The following NOVA1 variants were observed in gnomAD, a reference collection of about 807,000 sequenced individuals.
NOVA1 encodes the protein RNA-binding protein Nova-1.
NOVA1 carries 7 observed loss-of-function variants against 38.0 expected under a neutral mutation model. The ratio of observed to expected loss-of-function variants is 0.18; its 90% CI spans 0.10 to 0.35. NOVA1 has a LOEUF of 0.35. Ranked by LOEUF, NOVA1 falls within the 10% of genes least tolerant of loss-of-function variation. The pLI is 1.00. For synonymous variants in NOVA1, 270 were observed against 232.5 expected, an observed-to-expected ratio of 1.16 and a Z score of -1.47; for missense variants, 460 against 616.0, an observed-to-expected ratio of 0.75 and a Z score of 2.68.
chr14:26,478,321 A>G (rs1313158941), intron 3 of NOVA1, among the ~76,000 whole-genome samples: 3 of 152,030 alleles, frequency 2.0e-5, no homozygotes, highest in Non-Finnish European at 2.9e-5. Flanking sequence ...AATAATTCAT[A>G]TCACCGTCCT....
chr14:26,502,609 A>G (rs1301433505), intron 2 of NOVA1, among the ~76,000 whole-genome samples: 2 of 149,774 alleles, frequency 1.3e-5, no homozygotes, highest in Admixed American at 6.6e-5. Context: ...GTTTCCAGAA[A>G]AAAAAAAAAA....
intron 4 of NOVA1, among the ~76,000 whole-genome samples, chr14:26,465,817 G>A (rs1393819216): frequency 6.6e-6 from 1 of 151,968 alleles, no homozygotes; most frequent in Admixed American, 6.6e-5. Context: ...ACATACATCA[G>A]AGAATAAAAC....
intron 2 of NOVA1, among the ~76,000 whole-genome samples, chr14:26,571,623 C>T (rs1594556567): frequency 6.6e-6 from 1 of 152,162 alleles, no homozygotes; most frequent in African/African-American, 2.4e-5. Context: ...GGGCCTACAA[C>T]AGAGTTAACT....
chr14:26,586,929 A>G (rs1893551432), intron 2 of NOVA1, among the ~76,000 whole-genome samples: 5 of 149,678 alleles, frequency 3.3e-5, no homozygotes, highest in Admixed American at 3.3e-4. Context: ...TTTTTTAAAG[A>G]ACATATATTC....
chr14:26,578,482 G>C (rs1467665186), intron 2 of NOVA1, among the ~76,000 whole-genome samples: 1 of 151,954 alleles, frequency 6.6e-6, no homozygotes, highest in Non-Finnish European at 1.5e-5. Context: ...TAGGTAAGAT[G>C]GAATGGAATG....
chr14:26,492,002 T>C (rs1416665152), intron 2 of NOVA1, among the ~76,000 whole-genome samples: 2 of 152,092 alleles, frequency 1.3e-5, no homozygotes, highest in African/African-American at 2.4e-5. Flanking sequence ...AGCAATTAAG[T>C]CGAGTCTGTA....
chr14:26,448,458 G>T lies in NOVA1; in HGVS notation c.1025C>A (p.Thr342Lys), dbSNP rs1566426011. 1 of 1,613,124 alleles carries T rather than the reference G, an allele frequency of 6.2e-7. No individual in the cohort carries two copies. The highest frequency in any genetic ancestry group is 8.5e-7 in the Non-Finnish European group (1 of 1,179,870). The change falls in exon 5 of 5, where the codon ACA becomes AAA. Residue 342 changes from threonine (T) to lysine (K), a missense_variant. By Grantham distance (78) the Thr-to-Lys change is moderately conservative (BLOSUM62 -1). Coordinates refer to ENST00000539517, the MANE Select transcript of NOVA1 (RefSeq NM_002515.3). This position sits in a 1 kb window ranked among gnomAD's most constrained non-coding sequence, Gnocchi z 5.3. The stretch of plus-strand genomic sequence containing the variant: ...GGCAGCTGCTGCAGCCAAAGCCCCT[G>T]TTGCTGCTGCTTGACTGAGACCTAA... Reference protein sequence around the residue: ...LGLGLSQAAATGALAAAAASA... With the variant: ...LGLGLSQAAAKGALAAAAASA...
intron 2 of NOVA1, among the ~76,000 whole-genome samples, chr14:26,567,913 A>G (rs1892231709): frequency 1.3e-5 from 2 of 152,196 alleles, no homozygotes; most frequent in African/African-American, 4.8e-5. Context: ...CCAATATTAC[A>G]GTCATTTCTG....
intron 2 of NOVA1, among the ~76,000 whole-genome samples, chr14:26,586,702 T>TA (rs1361393604): frequency 6.6e-6 from 1 of 151,006 alleles, no homozygotes; most frequent in Non-Finnish European, 1.5e-5. Flanking sequence ...CTAATCACCA[T>TA]AAAAACACTG....
chr14:26,549,331 GT>G (rs5807372), intron 2 of NOVA1: 94,469 of 120,134 alleles, frequency 0.79, 38,352 homozygotes, highest in South Asian at 0.94. Flanking sequence ...TGAATTACAA[GT>G]TTTTTTTTTT....
chr14:26,506,506 C>A (rs1681611881), intron 2 of NOVA1, among the ~76,000 whole-genome samples: 1 of 152,152 alleles, frequency 6.6e-6, no homozygotes, highest in African/African-American at 2.4e-5. Flanking sequence ...TGAGTGTTGT[C>A]TTCGCCAATC....
At chr14:26,457,684 T>C (rs1345023382) in intron 4 of NOVA1, among the ~76,000 whole-genome samples, 1 of 152,152 alleles carries the variant, frequency 6.6e-6, no homozygotes, top group African/African-American at 2.4e-5. Flanking sequence ...CTTATCATTA[T>C]TCTAGACTGT....
At chr14:26,505,177 T>A (rs188193833) in intron 2 of NOVA1, among the ~76,000 whole-genome samples, 6 of 152,290 alleles carry the variant, frequency 3.9e-5, no homozygotes, top group Admixed American at 3.9e-4. Context: ...CGCTGCACAA[T>A]GTTTACCTAT....
chr14:26,577,123 G>A (rs147066419), intron 2 of NOVA1, among the ~76,000 whole-genome samples: 2 of 151,934 alleles, frequency 1.3e-5, no homozygotes, highest in African/African-American at 4.8e-5. Context: ...TCTGTGTCTG[G>A]CTTATTTCAT....
intron 2 of NOVA1, chr14:26,519,565 G>C (rs940245628): frequency 6.6e-6 from 1 of 152,046 alleles, no homozygotes; most frequent in Non-Finnish European, 1.5e-5. Flanking sequence ...CTATGCAAAA[G>C]AAGTAGAAAA....
intron 2 of NOVA1, chr14:26,594,102 A>G (rs774522721): frequency 1.3e-5 from 2 of 152,010 alleles, no homozygotes; most frequent in Non-Finnish European, 2.9e-5. Context: ...TTCTTAATGC[A>G]TAAGGAAAGT....
At position 26,542,733 on chromosome 14, in the gene NOVA1, C is replaced by CAA. The variant is rs71121888; in HGVS notation, c.280+52675_280+52676dup. The stretch of plus-strand genomic sequence containing the variant: ...AAGGAAACAGAAAATTTTGTAATGG[C>CAA]AAAAAAAAAAAAAAAAAAGTAGTAA... On this transcript the variant is annotated intron_variant, in intron 2 of 4. Transcript: ENST00000539517. Among the ~76,000 whole-genome samples, 299 of 125,872 alleles carry CAA rather than the reference C, an allele frequency of 2.4e-3. 1 individual carries two copies. The highest frequency in any genetic ancestry group is 7.6e-3 in the African/African-American group (267 of 35,062). 82.6% of individuals were successfully genotyped at this position (125,872 alleles called of 152,430 possible). A position where few individuals can be genotyped will look rare whatever the true frequency, so the allele number is the denominator to read the frequency against.
At chr14:26,552,512 T>C (rs1891225348) in intron 2 of NOVA1, among the ~76,000 whole-genome samples, 1 of 152,114 alleles carries the variant, frequency 6.6e-6, no homozygotes, top group Non-Finnish European at 1.5e-5. Context: ...GTAAATAATG[T>C]AGGATAAGTC....
At chr14:26,503,899 T>C (rs917397739) in intron 2 of NOVA1, among the ~76,000 whole-genome samples, 2 of 152,086 alleles carry the variant, frequency 1.3e-5, no homozygotes, top group African/African-American at 4.8e-5. Flanking sequence ...AAAAATGAAG[T>C]GCCCTGGTAT....
Sources: allele counts gnomAD v4.1 joint callset (sites outside exome capture counted in the v4.1 genomes callset), GRCh38; gene constraint gnomAD v4.1.1; non-coding constraint Gnocchi (gnomAD v3.1); transcripts MANE v1.5; gene names NCBI Gene and HGNC (gene_info 2026-07-23, HGNC 2026-07-21).